SLC44A2: variants seen among roughly 807,000 people sequenced by gnomAD.
SLC44A2 encodes choline transporter-like protein 2.
SLC44A2 carries 57 observed loss-of-function variants against 90.8 expected under a neutral mutation model. The observed-to-expected ratio is 0.63, with a 90% CI of 0.51 to 0.78. SLC44A2 has a LOEUF of 0.78. Ranked by LOEUF, SLC44A2 falls within the 30% of genes least tolerant of loss-of-function variation. The probability of loss-of-function intolerance (pLI) is 0.00; values close to 1 mark genes in which losing one functional copy is unlikely to be tolerated. For synonymous variants in SLC44A2, 355 were observed against 360.7 expected (o/e 0.98, Z 0.18); for missense variants, 794 against 919.7 (o/e 0.86, Z 1.77).
chr19:10,642,537 C>A, intron 21 of SLC44A2, 86 bp downstream of exon 21: 2 of 1,259,084 alleles, frequency 1.6e-6, no homozygotes, highest in Non-Finnish European at 2.3e-6. Flanking sequence ...CGGGGCAACA[C>A]GCTTGCCTGC....
At chr19:10,608,608 T>C (rs10425986) in intron 1 of SLC44A2, among the ~76,000 whole-genome samples, 2,858 of 151,192 alleles carry the variant, frequency 0.019, 77 homozygotes, top group African/African-American at 0.066. Flanking sequence ...GGAGGGCCTA[T>C]TTGTATTATT....
At chr19:10,627,634 C>T (rs1358809945) in intron 2 of SLC44A2, 88 bp from the exon 3 acceptor site, 5 of 1,382,998 alleles carry the variant, frequency 3.6e-6, no homozygotes, top group East Asian at 2.3e-5. Flanking sequence ...CCAAATAACA[C>T]ATGGATGAGG....
Position 10,615,428 on chromosome 19 carries a change from G to A in SLC44A2, c.32-10825G>A, listed in dbSNP as rs574258994. Among the ~76,000 whole-genome samples the A allele has an allele frequency of 1.1e-4, 17 of 152,216 alleles. No homozygotes were observed. The South Asian group carries it at 1.9e-3, about 17-fold the overall frequency. ...ATTTCTACTAAAAATACAAAAATTA[G>A]CCAGGCATGGTGGCTCACACCTGAA... On this transcript the variant is annotated intron_variant, in intron 1 of 21. Coordinates refer to the SLC44A2 transcript ENST00000407327.
rs1024287734 is a variant in SLC44A2 at position 10,632,161 on chromosome 19, G to A, written c.823+5G>A. The A allele has an allele frequency of 6.8e-6, 11 of 1,607,962 alleles. No individual in the cohort carries two copies. Among genetic ancestry groups the A allele is most frequent in the Non-Finnish European group, 9.4e-6 (11 of 1,174,764 alleles). ...TGATTCTGGTGCTGGGCTACGGTGC[G>A]TCACCCCCTCCCTGTGGCTTCTCTT... On this transcript the variant is annotated splice_donor_5th_base_variant and intron_variant, in intron 10 of 21. Transcript: ENST00000335757.
Position 10,631,534 on chromosome 19 carries a change from C to T in SLC44A2, c.501C>T (p.Pro167=). 6.2e-7 allele frequency: 1 copy of T among 1,614,046 alleles called. No individual in the cohort carries two copies. The highest frequency in any genetic ancestry group is 1.6e-4 in the Middle Eastern group (1 of 6,062). The change falls in exon 7 of 22, where the codon CCC becomes CCT. Residue 167 remains proline, a splice_region_variant and synonymous_variant. Transcript: ENST00000335757. ...CTGCTGTCCTCATCCCCAGCAAACC[C>T]TGTGAGTCAGGGGATCCCAGGAGGC... ...DCPAVLIPSK[P]LARRCFPAIH...
chr19:10,637,073 T>C, intron 16 of SLC44A2: 2 of 274,344 alleles, frequency 7.3e-6, no homozygotes, highest in Non-Finnish European at 1.4e-5. Context: ...ACTGGTTTAT[T>C]AGCCGGGCGC....
At chr19:10,628,413 C>T (rs928512735) in intron 4 of SLC44A2, among the ~76,000 whole-genome samples, 1 of 152,082 alleles carries the variant, frequency 6.6e-6, no homozygotes, top group African/African-American at 2.4e-5. Flanking sequence ...ATTAAGTGGA[C>T]GTGGTGGGGC....
chr19:10,635,107 G>C (rs780726126), intron 12 of SLC44A2, 34 bp downstream of exon 12: 1 of 1,613,614 alleles, frequency 6.2e-7, no homozygotes. Flanking sequence ...CCAGGATGGA[G>C]CTGTCCCTAG....
chr19:10,622,137 G>A (rs1463533877), upstream of SLC44A2, among the ~76,000 whole-genome samples: 2 of 152,206 alleles, frequency 1.3e-5, no homozygotes, highest in Non-Finnish European at 2.9e-5. Context: ...CTAAGCAGAG[G>A]GACCGAGCAG....
upstream of SLC44A2, among the ~76,000 whole-genome samples, chr19:10,620,861 G>A (rs542115405): frequency 1.3e-5 from 2 of 151,978 alleles, no homozygotes; most frequent in Non-Finnish European, 2.9e-5. Context: ...GCAACATAGC[G>A]AGACACTGGT....
chr19:10,617,800 C>T (rs932088796), intron 1 of SLC44A2, among the ~76,000 whole-genome samples: 1 of 152,136 alleles, frequency 6.6e-6, no homozygotes, highest in Non-Finnish European at 1.5e-5. Flanking sequence ...GTAGTGAGTT[C>T]GCTTTGCTCA....
In SLC44A2 at chr19:10,612,007, A is replaced by G. The variant is rs572087648; in HGVS notation, c.31+9446A>G. 2.6e-5 allele frequency among the ~76,000 whole-genome samples: 4 copies of G among 152,292 alleles called. No homozygotes were observed. In the South Asian group the frequency reaches 6.2e-4, roughly 24 times the overall value. ...TTTCACCTCAGAGGTAGCTCAGCCAAGAAGTCTCCTTCCAGATTGTGACCT... is the reference window on the plus strand; with the variant it reads ...TTTCACCTCAGAGGTAGCTCAGCCAGGAAGTCTCCTTCCAGATTGTGACCT... On this transcript the variant is annotated intron_variant, in intron 1 of 21. Coordinates refer to the SLC44A2 transcript ENST00000407327.
intron 14 of SLC44A2, 178 bp from the exon 15 acceptor site, chr19:10,636,145 T>G: frequency 4.1e-6 from 3 of 732,664 alleles, no homozygotes. Flanking sequence ...ACGTCTTGTT[T>G]CTAGAATCCC....
intron 20 of SLC44A2, among the ~76,000 whole-genome samples, chr19:10,642,132 G>A (rs1304369125): frequency 6.6e-6 from 1 of 151,338 alleles, no homozygotes; most frequent in Non-Finnish European, 1.5e-5. Flanking sequence ...ACTCCAGTCT[G>A]GGCAACAGAG....
At chr19:10,612,396 A>T (rs1332688981) in intron 1 of SLC44A2, among the ~76,000 whole-genome samples, 1 of 152,124 alleles carries the variant, frequency 6.6e-6, no homozygotes, top group Admixed American at 6.6e-5. Context: ...AAAAAAGGTT[A>T]AATGTTTCTA....
chr19:10,614,785 A>G lies in SLC44A2; in HGVS notation c.32-11468A>G, dbSNP rs7507834. The stretch of plus-strand genomic sequence containing the variant: ...CAGGAGTTTGAGACCAACCTGGCCA[A>G]CATGGTGAAACCACGTCTCTATTAA... On this transcript the variant is annotated intron_variant, in intron 1 of 21. Transcript: ENST00000407327. 3.8e-3 allele frequency among the ~76,000 whole-genome samples: 574 copies of G among 152,024 alleles called. 2 individuals are homozygous for G. The highest frequency in any genetic ancestry group is 0.013 in the African/African-American group (548 of 41,502).
At chr19:10,608,812 G>A (rs1475776419) in intron 1 of SLC44A2, among the ~76,000 whole-genome samples, 3 of 151,692 alleles carry the variant, frequency 2.0e-5, no homozygotes, top group Non-Finnish European at 2.9e-5. Context: ...TACCGTGCCC[G>A]ATTAATTTTT....
chr19:10,610,210 A>T (rs8100854), intron 1 of SLC44A2, among the ~76,000 whole-genome samples: 74,958 of 151,536 alleles, frequency 0.49, 18,922 homozygotes, highest in East Asian at 0.7. Context: ...AAGAAAAAAA[A>T]ATATATATAT....
chr19:10,635,684 GAAC>G, intron 14 of SLC44A2, 169 bp downstream of exon 14: 1 of 598,424 alleles, frequency 1.7e-6, no homozygotes, highest in Non-Finnish European at 2.8e-6. Context: ...TAACTGGATC[GAAC>G]AACTTCCCAG....
Sources: gnomAD v4.1 joint callset for allele counts (sites outside exome capture counted in the v4.1 genomes callset) on GRCh38, gnomAD v4.1.1 for gene constraint, MANE v1.5 for transcripts, NCBI Gene and HGNC (gene_info 2026-07-23, HGNC 2026-07-21) for gene names.